The following ME1 variants were observed in gnomAD, a reference collection of about 807,000 sequenced individuals.
The protein encoded by ME1 is malic enzyme 1, also known as NADP-dependent malic enzyme.
A neutral mutation model predicts 66.4 loss-of-function variants in ME1; 74 were observed. The observed-to-expected ratio is 1.11, with a 90% CI of 0.92 to 1.35. The LOEUF (loss-of-function observed/expected upper bound fraction) is 1.35. ME1 is among the 40% of genes most tolerant of loss of function. The pLI is 0.00. For synonymous variants in ME1, 251 were observed against 235.6 expected, an observed-to-expected ratio of 1.07 and a Z score of -0.60; for missense variants, 750 against 694.1, an observed-to-expected ratio of 1.08 and a Z score of -0.90.
At chr6:83,311,412 C>T (rs368537331) in intron 6 of ME1, among the ~76,000 whole-genome samples, 9 of 152,224 alleles carry the variant, frequency 5.9e-5, no homozygotes, top group African/African-American at 2.2e-4. Flanking sequence ...GGTGCAAACT[C>T]ATTGCTAGGA....
chr6:83,405,307 T>C (rs1769918354), intron 2 of ME1, among the ~76,000 whole-genome samples: 1 of 152,178 alleles, frequency 6.6e-6, no homozygotes, highest in African/African-American at 2.4e-5. Context: ...GCTCTCTGCT[T>C]GTCTATCTTT....
chr6:83,287,607 T>TA (rs1767420223), intron 6 of ME1, among the ~76,000 whole-genome samples: 1 of 152,194 alleles, frequency 6.6e-6, no homozygotes, highest in South Asian at 2.1e-4. Flanking sequence ...AGTGCAGCAA[T>TA]AAACATACGT....
chr6:83,316,838 C>A (rs1427925924), intron 5 of ME1, among the ~76,000 whole-genome samples: 1 of 151,574 alleles, frequency 6.6e-6, no homozygotes, highest in Non-Finnish European at 1.5e-5. Context: ...GCCCAAAATG[C>A]AAAATTCATA....
chr6:83,291,480 G>C (rs1767501937), intron 6 of ME1, among the ~76,000 whole-genome samples: 1 of 152,224 alleles, frequency 6.6e-6, no homozygotes, highest in African/African-American at 2.4e-5. Context: ...GGTTTCTGCA[G>C]AGAGATCCAC....
In ME1 at chr6:83,379,238, T is replaced by C. The variant is rs111975628; in HGVS notation, c.362+19129A>G. On this transcript the variant is annotated intron_variant, in intron 3 of 13. Transcript: ENST00000369705. Reference sequence around the variant, plus strand: ...CTAAATTTGGTAAAGAAATAATCTTTGCAAAAAGAAATCTACAACATCAGT... The same window carrying C: ...CTAAATTTGGTAAAGAAATAATCTTCGCAAAAAGAAATCTACAACATCAGT... Among the ~76,000 whole-genome samples, 1,175 of 152,146 alleles carry C rather than the reference T, an allele frequency of 7.7e-3. 33 individuals are homozygous for C. The highest frequency in any genetic ancestry group is 0.061 in the East Asian group (314 of 5,188).
chr6:83,272,772 GATA>G (rs1302761568), intron 6 of ME1, among the ~76,000 whole-genome samples: 1 of 152,164 alleles, frequency 6.6e-6, no homozygotes, highest in Non-Finnish European at 1.5e-5. Context: ...TATATATGCA[GATA>G]ATATTTATAT....
At chr6:83,230,479 T>C (rs1484868915) in intron 9 of ME1, among the ~76,000 whole-genome samples, 1 of 152,184 alleles carries the variant, frequency 6.6e-6, no homozygotes, top group African/African-American at 2.4e-5. Context: ...TCAGGTTGTT[T>C]GTGGGGTAAA....
chr6:83,296,763 A>T (rs2128535865), intron 6 of ME1, among the ~76,000 whole-genome samples: 1 of 152,340 alleles, frequency 6.6e-6, no homozygotes, highest in South Asian at 2.1e-4. Context: ...TACATGTAGT[A>T]AACACCATTT....
chr6:83,402,004 C>T (rs749622661), intron 2 of ME1, among the ~76,000 whole-genome samples: 18 of 152,288 alleles, frequency 1.2e-4, no homozygotes, highest in Non-Finnish European at 2.5e-4. Context: ...TTACAAAATG[C>T]CTTACCTACC....
chr6:83,342,981 G>A (rs1416837362), intron 5 of ME1, among the ~76,000 whole-genome samples: 1 of 152,046 alleles, frequency 6.6e-6, no homozygotes, highest in African/African-American at 2.4e-5. Flanking sequence ...ACCACCCCCG[G>A]CCACCTTGCG....
At chr6:83,359,773 G>A (rs907039264) in intron 3 of ME1, among the ~76,000 whole-genome samples, 8 of 152,190 alleles carry the variant, frequency 5.3e-5, no homozygotes, top group African/African-American at 1.7e-4. Flanking sequence ...ATTTGTGAGG[G>A]TAGCACCTAC....
intron 5 of ME1, among the ~76,000 whole-genome samples, chr6:83,327,266 A>G (rs1254772296): frequency 6.6e-6 from 1 of 152,226 alleles, no homozygotes; most frequent in Non-Finnish European, 1.5e-5. Context: ...TTGAAAAAAG[A>G]ACAGGATAAC....
At chr6:83,401,857 C>T (rs1055294441) in intron 2 of ME1, among the ~76,000 whole-genome samples, 4 of 152,178 alleles carry the variant, frequency 2.6e-5, no homozygotes, top group African/African-American at 9.6e-5. Context: ...CAGCTAGCTA[C>T]CTGGTGGCAA....
intron 5 of ME1, among the ~76,000 whole-genome samples, chr6:83,333,689 T>C (rs1016900139): frequency 6.6e-6 from 1 of 152,194 alleles, no homozygotes. Context: ...TAATCCAGAA[T>C]CTTAAACAAC....
chr6:83,408,286 G>A (rs1488099853), intron 1 of ME1, among the ~76,000 whole-genome samples: 1 of 152,152 alleles, frequency 6.6e-6, no homozygotes, highest in Non-Finnish European at 1.5e-5. Flanking sequence ...AGTCACCTGT[G>A]ACCTGCTGTG....
intron 7 of ME1, among the ~76,000 whole-genome samples, chr6:83,251,678 GA>G (rs1254671683): frequency 1.3e-5 from 2 of 152,270 alleles, no homozygotes; most frequent in East Asian, 3.9e-4. Context: ...TAGGATGAGA[GA>G]TCAACATTTG....
At chr6:83,260,387 C>T (rs1402495320) in intron 6 of ME1, among the ~76,000 whole-genome samples, 1 of 151,982 alleles carries the variant, frequency 6.6e-6, no homozygotes, top group African/African-American at 2.4e-5. Context: ...AACTTTTTCC[C>T]TTGTGATTTT....
At chr6:83,233,645 G>T (rs1253431025) in intron 9 of ME1, among the ~76,000 whole-genome samples, 1 of 151,708 alleles carries the variant, frequency 6.6e-6, no homozygotes, top group Non-Finnish European at 1.5e-5. Flanking sequence ...TTAAAAAGTG[G>T]AGTTTCACCA....
intron 3 of ME1, among the ~76,000 whole-genome samples, chr6:83,373,637 CAT>C (rs1408197127): frequency 6.6e-6 from 1 of 152,102 alleles, no homozygotes; most frequent in Non-Finnish European, 1.5e-5. Flanking sequence ...ATCTGGGATA[CAT>C]GTGTACAGAA....
Sources: gnomAD v4.1 joint callset for allele counts (sites outside exome capture counted in the v4.1 genomes callset) on GRCh38, gnomAD v4.1.1 for gene constraint, MANE v1.5 for transcripts, NCBI Gene and HGNC (gene_info 2026-07-23, HGNC 2026-07-21) for gene names.